Variants in KIAA1328 observed in about 807,000 individuals in gnomAD.
The protein encoded by KIAA1328 is KIAA1328.
KIAA1328 carries 52 observed loss-of-function variants against 68.1 expected under a neutral mutation model. The ratio of observed to expected loss-of-function variants is 0.76; its 90% confidence interval spans 0.61 to 0.96. The LOEUF (loss-of-function observed/expected upper bound fraction) is 0.96, where lower values mean the gene tolerates loss of function less well. KIAA1328 is among the 40% of genes least tolerant of loss of function. KIAA1328 has a pLI of 0.00. For synonymous variants in KIAA1328, 232 were observed against 239.4 expected (o/e 0.97, Z 0.28); for missense variants, 641 against 677.6 (o/e 0.95, Z 0.60).
chr18:37,027,106 C>T (rs575617925), intron 6 of KIAA1328, among the ~76,000 whole-genome samples: 76 of 152,252 alleles, frequency 5.0e-4, no homozygotes, highest in African/African-American at 1.5e-3. Flanking sequence ...CATGAGTGAA[C>T]TCCTATTCAC....
rs1487666612 is a variant in KIAA1328, at chr18:37,199,175, T to C, written c.1524-22842T>C. 2.0e-5 allele frequency among the ~76,000 whole-genome samples: 3 copies of C among 152,288 alleles called. No individual in the cohort carries two copies. The East Asian group carries it at 5.8e-4, about 29-fold the overall frequency. ...GTAAACGTGTGTCATGGGGGTTTAT[T>C]GTACAGAATATTTTATCCCCTCGGT... On this transcript the variant is annotated intron_variant, in intron 9 of 9. Coordinates refer to ENST00000280020, the MANE Select transcript of KIAA1328 (RefSeq NM_020776.3).
chr18:37,124,358 T>C (rs550849293), intron 7 of KIAA1328, among the ~76,000 whole-genome samples: 1 of 152,066 alleles, frequency 6.6e-6, no homozygotes, highest in Admixed American at 6.6e-5. Context: ...TTATAGTAAG[T>C]CCTGTTGACT....
intron 5 of KIAA1328, among the ~76,000 whole-genome samples, chr18:36,893,499 G>GTGTA (rs2151009012): frequency 6.6e-6 from 1 of 150,378 alleles, no homozygotes; most frequent in African/African-American, 2.4e-5. Context: ...GTGTGTGTGT[G>GTGTA]TATGTGAGAC....
intron 7 of KIAA1328, among the ~76,000 whole-genome samples, chr18:37,069,670 A>G (rs2056462142): frequency 6.6e-6 from 1 of 152,150 alleles, no homozygotes; most frequent in Non-Finnish European, 1.5e-5. Context: ...GAGACTTTTT[A>G]AATTCCAAGT....
chr18:36,913,518 ACACACT>A (rs1256790348), intron 5 of KIAA1328, among the ~76,000 whole-genome samples: 8 of 112,832 alleles, frequency 7.1e-5, no homozygotes, highest in Admixed American at 1.1e-4. Flanking sequence ...ACACACACAC[ACACACT>A]TAGAGGAAAG....
chr18:37,220,396 G>C (rs991916861), intron 9 of KIAA1328, among the ~76,000 whole-genome samples: 1 of 152,038 alleles, frequency 6.6e-6, no homozygotes, highest in Admixed American at 6.5e-5. Flanking sequence ...ATTAATAATT[G>C]GTTCATTAGA....
chr18:37,138,410 T>A (rs1010759193), intron 7 of KIAA1328, among the ~76,000 whole-genome samples: 1 of 152,178 alleles, frequency 6.6e-6, no homozygotes, highest in Non-Finnish European at 1.5e-5. Flanking sequence ...ACTCTTCTCT[T>A]TCCTACACCA....
chr18:36,928,708 G>T (rs558202230), intron 5 of KIAA1328, among the ~76,000 whole-genome samples: 2 of 152,182 alleles, frequency 1.3e-5, no homozygotes, highest in East Asian at 3.9e-4. Flanking sequence ...GTGTGCGCAC[G>T]CATGTGCACA....
intron 6 of KIAA1328, among the ~76,000 whole-genome samples, chr18:36,992,171 G>A (rs1302214541): frequency 6.6e-6 from 1 of 152,094 alleles, no homozygotes; most frequent in African/African-American, 2.4e-5. Context: ...ACCTTTGTTG[G>A]TTATGTGTGT....
chr18:36,935,768 G>T (rs2050477031), intron 5 of KIAA1328, among the ~76,000 whole-genome samples: 2 of 151,264 alleles, frequency 1.3e-5, no homozygotes, highest in African/African-American at 2.4e-5. Flanking sequence ...GTGTGTGTGT[G>T]CGCATATAAG....
chr18:37,135,975 T>C (rs1204208343), intron 7 of KIAA1328, among the ~76,000 whole-genome samples: 1 of 152,158 alleles, frequency 6.6e-6, no homozygotes, highest in African/African-American at 2.4e-5. Context: ...GTGTGTGGCT[T>C]TATCTTTGGG....
At chr18:36,927,834 A>G (rs1326155818) in intron 5 of KIAA1328, among the ~76,000 whole-genome samples, 2 of 151,888 alleles carry the variant, frequency 1.3e-5, no homozygotes, top group Admixed American at 1.3e-4. Flanking sequence ...GAAAGAAAGG[A>G]AAGAAGGAAG....
At chr18:36,934,041 C>G (rs1377133221) in intron 5 of KIAA1328, among the ~76,000 whole-genome samples, 1 of 152,138 alleles carries the variant, frequency 6.6e-6, no homozygotes, top group Non-Finnish European at 1.5e-5. Context: ...GGATGATCCC[C>G]CTACCAGTTC....
At chr18:36,997,935 T>C (rs540176432) in intron 6 of KIAA1328, among the ~76,000 whole-genome samples, 1 of 152,216 alleles carries the variant, frequency 6.6e-6, no homozygotes, top group South Asian at 2.1e-4. Context: ...GAGAAGGATG[T>C]GCCTTCCCCA....
At position 37,222,760 on chromosome 18, in the gene KIAA1328, C is replaced by A. The variant is rs115385528; in HGVS notation, c.*533C>A. 560 of 996,274 alleles carry A rather than the reference C, an allele frequency of 5.6e-4. 6 individuals carry two copies. In the African/African-American group the frequency reaches 9.1e-3, roughly 16 times the overall value. 61.7% of individuals were successfully genotyped at this position (996,274 alleles called of 1,614,324 possible). On this transcript the variant is annotated 3_prime_UTR_variant, in exon 10 of 10. Coordinates refer to ENST00000280020, the MANE Select transcript of KIAA1328 (RefSeq NM_020776.3). ...GTTGGAGTTGGTGCCCCTGCCATCA[C>A]AAACAACACGAGAGCCAATTGTGAG...
At chr18:37,121,416 T>A (rs1053811692) in intron 7 of KIAA1328, among the ~76,000 whole-genome samples, 10 of 148,820 alleles carry the variant, frequency 6.7e-5, no homozygotes, top group South Asian at 4.3e-4. Flanking sequence ...ATTTTAGGAC[T>A]TCTATCTATC....
At chr18:37,081,887 T>C (rs570650180) in intron 7 of KIAA1328, among the ~76,000 whole-genome samples, 1 of 152,326 alleles carries the variant, frequency 6.6e-6, no homozygotes, top group South Asian at 2.1e-4. Context: ...TGGGTCTGGT[T>C]TCTTTTTCAC....
chr18:37,080,533 T>C (rs1342021202), intron 7 of KIAA1328, among the ~76,000 whole-genome samples: 1 of 152,008 alleles, frequency 6.6e-6, no homozygotes, highest in Non-Finnish European at 1.5e-5. Context: ...TCCCAGCACT[T>C]TGGGAGGCCG....
intron 4 of KIAA1328, among the ~76,000 whole-genome samples, chr18:36,874,985 G>A (rs184792679): frequency 1.3e-5 from 2 of 151,946 alleles, no homozygotes; most frequent in African/African-American, 2.4e-5. Context: ...GGCTGTAAAT[G>A]TGTGGTATTA....
Sources: allele counts gnomAD v4.1 joint callset (sites outside exome capture counted in the v4.1 genomes callset), GRCh38; gene constraint gnomAD v4.1.1; transcripts MANE v1.5; gene names NCBI Gene and HGNC (gene_info 2026-07-23, HGNC 2026-07-21).